The following WASF3 variants were observed in gnomAD, a reference collection of about 807,000 sequenced individuals.
The protein encoded by WASF3 is WASP family member 3.
Under a neutral mutation model 46.6 loss-of-function variants are expected in WASF3, and 11 were observed. The ratio of observed to expected loss-of-function variants is 0.24; its 90% CI spans 0.15 to 0.39. The LOEUF (loss-of-function observed/expected upper bound fraction) is 0.39. Among genes scored for constraint, WASF3 ranks in the 10% least tolerant of loss-of-function variants. The pLI, the probability that WASF3 is intolerant of heterozygous loss-of-function variation, is 1.00. For synonymous variants in WASF3, 242 were observed against 259.7 expected (o/e 0.93, Z 0.65); for missense variants, 576 against 669.8 (o/e 0.86, Z 1.55).
chr13:26,614,228 C>G (rs1159363786), intron 2 of WASF3, among the ~76,000 whole-genome samples: 1 of 152,166 alleles, frequency 6.6e-6, no homozygotes, highest in Non-Finnish European at 1.5e-5. Flanking sequence ...TGACCTTGGG[C>G]ATATCATTAC....
chr13:26,542,958 G>C, the WASF3 span, among the ~76,000 whole-genome samples: 2 of 152,192 alleles, frequency 1.3e-5, no homozygotes, highest in African/African-American at 4.8e-5. Flanking sequence ...GTTTTAATGG[G>C]ACAAAGAATT....
chr13:26,585,816 A>G (rs1880112904), intron 1 of WASF3, among the ~76,000 whole-genome samples: 1 of 152,084 alleles, frequency 6.6e-6, no homozygotes, highest in Non-Finnish European at 1.5e-5. Context: ...AAACCCCCCA[A>G]ATGCATAATA....
chr13:26,599,068 G>A (rs1317211884), intron 1 of WASF3, among the ~76,000 whole-genome samples: 4 of 151,856 alleles, frequency 2.6e-5, no homozygotes, highest in African/African-American at 9.7e-5. Flanking sequence ...ACAGGGCTTC[G>A]CCATGTTGGT....
chr13:26,654,744 TGTTA>T lies in WASF3; in HGVS notation c.134-10280_134-10277del, dbSNP rs112831700. Among the ~76,000 whole-genome samples, 639 of 152,318 alleles carry T rather than the reference TGTTA, an allele frequency of 4.2e-3. 7 individuals are homozygous for T. The highest frequency in any genetic ancestry group is 0.014 in the African/African-American group (602 of 41,562). ...TTTCAAATTTTCTATCATGAGCATG[TGTTA>T]GTTTTATAATCAGGACGGTAGCAGT... On this transcript the variant is annotated intron_variant, in intron 3 of 9. Transcript: ENST00000335327.
intron 3 of WASF3, among the ~76,000 whole-genome samples, chr13:26,647,763 C>T (rs1156794440): frequency 2.1e-5 from 3 of 145,144 alleles, no homozygotes; most frequent in South Asian, 4.4e-4. Flanking sequence ...TGAGCCCTGC[C>T]GAAAAAAAAA....
chr13:26,597,088 T>A (rs2137194405), intron 1 of WASF3, among the ~76,000 whole-genome samples: 1 of 152,316 alleles, frequency 6.6e-6, no homozygotes, highest in East Asian at 1.9e-4. Flanking sequence ...GTTGACTTTT[T>A]AAAAATGGAC....
At chr13:26,628,440 CAG>C (rs1252196900) in intron 2 of WASF3, among the ~76,000 whole-genome samples, 1 of 152,166 alleles carries the variant, frequency 6.6e-6, no homozygotes, top group Non-Finnish European at 1.5e-5. Context: ...CACATGCACA[CAG>C]AGAATTAGCA....
intron 2 of WASF3, among the ~76,000 whole-genome samples, chr13:26,637,352 G>C (rs1881859482): frequency 6.6e-6 from 1 of 152,096 alleles, no homozygotes; most frequent in Admixed American, 6.6e-5. Flanking sequence ...CCCCATCCCA[G>C]TTTTCAGAAT....
intron 2 of WASF3, among the ~76,000 whole-genome samples, chr13:26,627,913 AAAAT>A (rs1881521995): frequency 2.2e-5 from 3 of 138,416 alleles, no homozygotes; most frequent in African/African-American, 3.0e-5. Context: ...CCCTAAAAAT[AAAAT>A]AAAATAAAAT....
chr13:26,615,979 CTGTA>C (rs1881122086), intron 2 of WASF3, among the ~76,000 whole-genome samples: 1 of 151,482 alleles, frequency 6.6e-6, no homozygotes, highest in Non-Finnish European at 1.5e-5. Context: ...TAGTACCTCA[CTGTA>C]TGGATGTAAT....
chr13:26,651,282 C>T (rs535744370), intron 3 of WASF3, among the ~76,000 whole-genome samples: 242 of 152,138 alleles, frequency 1.6e-3, no homozygotes, highest in African/African-American at 5.7e-3. Context: ...AATTGCACCA[C>T]TGCACTCCAT....
At chr13:26,550,577 C>G in the WASF3 span, among the ~76,000 whole-genome samples, 1 of 152,116 alleles carries the variant, frequency 6.6e-6, no homozygotes, top group Non-Finnish European at 1.5e-5. Flanking sequence ...GAATTTAATC[C>G]TGATTAGTTT....
In WASF3 at chr13:26,654,150, G is replaced by A. The variant is rs111528892; in HGVS notation, c.134-10878G>A. On this transcript the variant is annotated intron_variant, in intron 3 of 9. Transcript: ENST00000335327. ...TTCCAGTCACTCCCCACCGACCCCC[G>A]CCCCAACACAAAGGGAAGGGCATCT... 7.9e-3 allele frequency among the ~76,000 whole-genome samples: 1,193 copies of A among 151,688 alleles called. 3 individuals are homozygous for A. Among genetic ancestry groups the A allele is most frequent in the Non-Finnish European group, 0.012 (847 of 67,880 alleles).
intron 1 of WASF3, among the ~76,000 whole-genome samples, chr13:26,579,709 C>G (rs1879922220): frequency 6.6e-6 from 1 of 152,158 alleles, no homozygotes; most frequent in Non-Finnish European, 1.5e-5. Context: ...GATATAGACC[C>G]TTGTGTTTAC....
At chr13:26,616,514 A>T (rs1165590784) in intron 2 of WASF3, among the ~76,000 whole-genome samples, 2 of 152,140 alleles carry the variant, frequency 1.3e-5, no homozygotes, top group Non-Finnish European at 2.9e-5. Context: ...TTTATCAGAT[A>T]TATGATTTGT....
chr13:26,667,718 C>A (rs778045071), intron 5 of WASF3, 48 bp downstream of exon 5: 1 of 1,557,376 alleles, frequency 6.4e-7, no homozygotes, highest in Non-Finnish European at 8.7e-7. Flanking sequence ...GAGGGGAGAG[C>A]TGGGCAGAGC....
chr13:26,662,620 G>T (rs1882661348), intron 3 of WASF3, among the ~76,000 whole-genome samples: 1 of 152,154 alleles, frequency 6.6e-6, no homozygotes. Context: ...CATAAAAATG[G>T]GAACAGTAGA....
chr13:26,642,463 A>T, intron 3 of WASF3, 60 bp downstream of exon 3: 1 of 1,519,864 alleles, frequency 6.6e-7, no homozygotes, highest in Non-Finnish European at 8.8e-7. Context: ...AATTGATTTT[A>T]ATAGTTAAAT....
intron 2 of WASF3, chr13:26,618,809 T>G (rs1263621004): frequency 2.6e-5 from 4 of 152,226 alleles, no homozygotes; most frequent in East Asian, 3.8e-4. Context: ...TAGATATAAT[T>G]CTTTCAAAGG....
Sources: allele counts gnomAD v4.1 joint callset (sites outside exome capture counted in the v4.1 genomes callset), GRCh38; gene constraint gnomAD v4.1.1; transcripts MANE v1.5; gene names NCBI Gene and HGNC (gene_info 2026-07-23, HGNC 2026-07-21).